Variants in NLGN4Y observed in about 807,000 individuals in gnomAD.
NLGN4Y encodes the protein neuroligin-4, Y-linked.
In NLGN4Y, 4 loss-of-function variants were observed where a neutral mutation model predicts 8.4. That is an observed-to-expected ratio of 0.48 (90% confidence interval 0.23 to 1.09). The LOEUF is 1.09. NLGN4Y is among the 50% of genes least tolerant of loss of function. The pLI is 0.19. For missense variants in NLGN4Y, 90 were observed against 192.3 expected, an observed-to-expected ratio of 0.47 and a Z score of 3.15; for synonymous variants, 35 against 75.6, an observed-to-expected ratio of 0.46 and a Z score of 2.78.
chrY:14,741,837 G>T, intron 4 of NLGN4Y, among the ~76,000 whole-genome samples: 2 of 33,868 alleles, frequency 5.9e-5, no homozygotes. Context: ...TGCCTTGGTT[G>T]TATGTGTGAG....
intron 2 of NLGN4Y, among the ~76,000 whole-genome samples, chrY:14,682,086 CA>C (rs2080772228): frequency 3.0e-5 from 1 of 33,635 alleles, no homozygotes; most frequent in Admixed American, 2.7e-4. Flanking sequence ...GAAGATAAAG[CA>C]GTGATCAAAT....
At chrY:14,778,787 A>G (rs2081136328) in intron 4 of NLGN4Y, among the ~76,000 whole-genome samples, 1 of 33,981 alleles carries the variant, frequency 2.9e-5, no homozygotes, top group Non-Finnish European at 7.3e-5. Flanking sequence ...TAGTTGCAGC[A>G]TTTATTACGG....
intron 2 of NLGN4Y, among the ~76,000 whole-genome samples, chrY:14,625,242 T>A: frequency 6.0e-5 from 2 of 33,243 alleles, no homozygotes; most frequent in Non-Finnish European, 1.5e-4. Flanking sequence ...AAGTTGAGTC[T>A]TTTCGTTCAA....
intron 4 of NLGN4Y, among the ~76,000 whole-genome samples, chrY:14,753,715 G>A (rs2081049368): frequency 3.2e-5 from 1 of 31,187 alleles, no homozygotes; most frequent in African/African-American, 1.2e-4. Context: ...TGCTTTTCAC[G>A]CATTGCCGAA....
intron 2 of NLGN4Y, among the ~76,000 whole-genome samples, chrY:14,635,627 T>C (rs2150513257): frequency 3.4e-5 from 1 of 29,325 alleles, no homozygotes; most frequent in South Asian, 8.2e-4. Context: ...GTCTCACTCT[T>C]GATAACCAGG....
At chrY:14,773,726 C>T (rs1055915852) in intron 4 of NLGN4Y, among the ~76,000 whole-genome samples, 1 of 32,884 alleles carries the variant, frequency 3.0e-5, no homozygotes, top group Admixed American at 2.8e-4. Context: ...ACAGATGTAT[C>T]GATTAGTGGA....
Position 14,723,226 on chromosome Y carries a change from G to A in NLGN4Y, c.642G>A (p.Gly214=). The A allele has an allele frequency of 2.5e-6, 1 of 395,140 alleles. No individual in the cohort carries two copies. Among genetic ancestry groups the A allele is most frequent in the African/African-American group, 6.6e-5 (1 of 15,190 alleles). The change falls in exon 4 of 7, where the codon GGG becomes GGA. Residue 214 remains glycine, a synonymous_variant. Transcript: ENST00000684976. The part of the protein sequence containing the change: ...MIDGSILASY[G]NVIVITINYR... The stretch of plus-strand genomic sequence containing the variant: ...ATGGCAGCATTTTGGCCAGCTATGG[G>A]AACGTCATCGTTATCACCATTAACT...
At chrY:14,769,262 C>T (rs367938552) in intron 4 of NLGN4Y, among the ~76,000 whole-genome samples, 1,307 of 33,716 alleles carry the variant, frequency 0.039, no homozygotes, top group Middle Eastern at 0.29. Context: ...AAAAACTAAA[C>T]TCTAATGATG....
chrY:14,610,111 G>A, intron 1 of NLGN4Y, among the ~76,000 whole-genome samples: 3 of 32,779 alleles, frequency 9.2e-5, no homozygotes, highest in Non-Finnish European at 2.3e-4. Flanking sequence ...TATTAGTCTG[G>A]CTAGCAATAC....
chrY:14,772,466 C>T, intron 4 of NLGN4Y, among the ~76,000 whole-genome samples: 1 of 33,082 alleles, frequency 3.0e-5, no homozygotes, highest in South Asian at 6.7e-4. Flanking sequence ...GATTCACAGT[C>T]GAATTCTACC....
chrY:14,733,993 T>A, intron 4 of NLGN4Y, among the ~76,000 whole-genome samples: 1 of 33,071 alleles, frequency 3.0e-5, no homozygotes, highest in Non-Finnish European at 7.4e-5. Flanking sequence ...GACAGCCTTT[T>A]ACACCCACAC....
chrY:14,831,728 T>C, intron 6 of NLGN4Y, among the ~76,000 whole-genome samples: 2 of 31,288 alleles, frequency 6.4e-5, no homozygotes, highest in Admixed American at 3.1e-4. Context: ...TTGTATTTCC[T>C]TTGCTGTATA....
chrY:14,612,317 G>A, intron 1 of NLGN4Y, among the ~76,000 whole-genome samples: 1 of 33,406 alleles, frequency 3.0e-5, no homozygotes, highest in African/African-American at 1.2e-4. Flanking sequence ...TTCTCTGTTC[G>A]GTTTTGTTCT....
intron 4 of NLGN4Y, among the ~76,000 whole-genome samples, chrY:14,758,661 G>T: frequency 3.0e-5 from 1 of 32,836 alleles, no homozygotes; most frequent in Admixed American, 2.8e-4. Context: ...TTGAGGCAGG[G>T]TCTCTCTGTC....
chrY:14,707,687 G>T (rs891907477), intron 2 of NLGN4Y, among the ~76,000 whole-genome samples: 1 of 32,394 alleles, frequency 3.1e-5, no homozygotes, highest in East Asian at 8.2e-4. Flanking sequence ...AATGGGAGAT[G>T]CTCATGTAAA....
At chrY:14,590,206 C>T in intron 1 of NLGN4Y, among the ~76,000 whole-genome samples, 1 of 34,242 alleles carries the variant, frequency 2.9e-5, no homozygotes, top group Non-Finnish European at 7.4e-5. Flanking sequence ...GGGCTCCAGC[C>T]TTGGCCAGCC....
chrY:14,633,418 C>G, intron 2 of NLGN4Y, among the ~76,000 whole-genome samples: 1 of 33,671 alleles, frequency 3.0e-5, no homozygotes, highest in African/African-American at 1.2e-4. Context: ...ACCTCTGTCT[C>G]CCAGGTTCAA....
intron 2 of NLGN4Y, among the ~76,000 whole-genome samples, chrY:14,678,144 G>C: frequency 3.0e-5 from 1 of 33,552 alleles, no homozygotes; most frequent in South Asian, 6.7e-4. Context: ...CAGAATATTA[G>C]AGCCTTGGTG....
intron 1 of NLGN4Y, among the ~76,000 whole-genome samples, chrY:14,617,739 G>GT (rs2080495369): frequency 3.1e-5 from 1 of 32,499 alleles, no homozygotes; most frequent in Non-Finnish European, 7.5e-5. Flanking sequence ...AGAGATGGAT[G>GT]TTTTTTTCTA....
Sources: gnomAD v4.1 joint callset for allele counts (sites outside exome capture counted in the v4.1 genomes callset) on GRCh38, gnomAD v4.1.1 for gene constraint, MANE v1.5 for transcripts, NCBI Gene and HGNC (gene_info 2026-07-23, HGNC 2026-07-21) for gene names.